The following BRCA1 variants were observed in gnomAD, a reference collection of about 807,000 sequenced individuals.
The protein encoded by BRCA1 is BRCA1 DNA repair associated.
Under a neutral mutation model 173.7 loss-of-function variants are expected in BRCA1, and 140 were observed. The observed-to-expected ratio is 0.81, with a 90% CI of 0.70 to 0.93. BRCA1 has a LOEUF of 0.93. BRCA1 is among the 40% of genes least tolerant of loss of function. The pLI is 0.00. For missense variants in BRCA1, 1,983 were observed against 2,172.5 expected (o/e 0.91, Z 1.73); for synonymous variants, 662 against 756.0 (o/e 0.88, Z 2.04).
chr17:43,134,774 GCCCT>G (rs1249839935), intron 1 of BRCA1, among the ~76,000 whole-genome samples: 1 of 152,138 alleles, frequency 6.6e-6, no homozygotes, highest in Non-Finnish European at 1.5e-5. Context: ...TGAAAGGGCG[GCCCT>G]CATACAGTTC....
upstream of BRCA1, among the ~76,000 whole-genome samples, chr17:43,126,571 C>T (rs549384372): frequency 2.0e-4 from 30 of 152,348 alleles, no homozygotes; most frequent in African/African-American, 7.0e-4. Context: ...CTCCGGACAG[C>T]TAATCGTTTT....
chr17:43,146,372 A>C (rs1306142632), intron 1 of BRCA1, among the ~76,000 whole-genome samples: 14 of 132,016 alleles, frequency 1.1e-4, no homozygotes, highest in Non-Finnish European at 3.1e-5. Context: ...GCAGTGGTGC[A>C]ATCTTGGCTT....
At chr17:43,124,235 A>G in intron 1 of BRCA1, 120 bp from the exon 2 acceptor site, 1 of 645,422 alleles carries the variant, frequency 1.5e-6, no homozygotes, top group South Asian at 2.1e-5. Context: ...AGAATAATAC[A>G]AACCAAAGAA....
chr17:43,118,425 G>A lies in BRCA1; in HGVS notation c.81-2646C>T, dbSNP rs8176089. Among the ~76,000 whole-genome samples, 2,100 of 151,390 alleles carry A rather than the reference G, an allele frequency of 0.014. 65 individuals are homozygous for A. Among genetic ancestry groups the A allele is most frequent in the African/African-American group, 0.049 (2,013 of 41,254 alleles). Reference sequence around the variant, plus strand: ...AGAGTCTCGTTCTGTCGCCCAGGCTGGAGTGCAGTGGCACCATCTCGGCTC... The same window carrying A: ...AGAGTCTCGTTCTGTCGCCCAGGCTAGAGTGCAGTGGCACCATCTCGGCTC... On this transcript the variant is annotated intron_variant, in intron 2 of 22. Transcript: ENST00000357654.
chr17:43,155,247 G>C (rs2056189459), intron 1 of BRCA1, among the ~76,000 whole-genome samples: 1 of 152,084 alleles, frequency 6.6e-6, no homozygotes, highest in Non-Finnish European at 1.5e-5. Flanking sequence ...TCAGCTCTCT[G>C]TAACCTCTGC....
rs1442560766 is a variant in BRCA1 at position 43,097,323 on chromosome 17, A to G, written c.548-34T>C. 9 of 1,557,846 alleles carry G rather than the reference A, an allele frequency of 5.8e-6. No individual in the cohort carries two copies. The highest frequency in any genetic ancestry group is 7.1e-6 in the Non-Finnish European group (8 of 1,132,268). ...TTTCCCCCCAAAAAATAAATCAATA[A>G]AAGTTTTCTTAATTAAAAGGGTTAA... On this transcript the variant is annotated intron_variant, in intron 7 of 22. Transcript: ENST00000357654.
chr17:43,154,949 C>T lies in BRCA1; in HGVS notation c.-20+15177G>A, dbSNP rs138987358. ...GACAGCTTAATAATGTAAAGAAACA[C>T]GCTATGCAACAATTAGGGGAAGAGC... is the stretch of plus-strand genomic sequence containing the variant. On this transcript the variant is annotated intron_variant, in intron 1 of 7. Transcript: ENST00000634433. Among the ~76,000 whole-genome samples the T allele has an allele frequency of 2.2e-3, 328 of 152,172 alleles. 1 individual carries two copies. Among genetic ancestry groups the T allele is most frequent in the Non-Finnish European group, 2.2e-3 (148 of 68,024 alleles).
intron 2 of BRCA1, among the ~76,000 whole-genome samples, chr17:43,121,276 G>A (rs1331355120): frequency 6.6e-6 from 1 of 151,930 alleles, no homozygotes; most frequent in Non-Finnish European, 1.5e-5. Context: ...TCGGGAGGCT[G>A]AGGCAGGAGA....
intron 1 of BRCA1, chr17:43,161,219 C>T (rs1487054488): frequency 6.6e-6 from 1 of 152,176 alleles, no homozygotes; most frequent in Admixed American, 6.5e-5. Flanking sequence ...ATAGTCAAGG[C>T]TCTGCCGGTT....
At chr17:43,108,945 A>G (rs1231846083) in intron 3 of BRCA1, among the ~76,000 whole-genome samples, 2 of 152,104 alleles carry the variant, frequency 1.3e-5, no homozygotes, top group Non-Finnish European at 2.9e-5. Context: ...GTAAACTGAG[A>G]TCGCGCCATT....
intron 1 of BRCA1, among the ~76,000 whole-genome samples, chr17:43,158,507 T>G (rs568143116): frequency 6.6e-6 from 1 of 152,156 alleles, no homozygotes; most frequent in African/African-American, 2.4e-5. Flanking sequence ...GAAAAACAAC[T>G]TTCATAAAGC....
At position 43,044,646 on chromosome 17, in the gene BRCA1, A is replaced by C. The variant is rs2050794461; in HGVS notation, c.*1032T>G. 2.0e-6 allele frequency: 1 copy of C among 505,332 alleles called. No homozygotes were observed. 31.3% of individuals were successfully genotyped at this position (505,332 alleles called of 1,614,324 possible). ...TTAAGAGGAATGGATTATATACCAG[A>C]GCTACAACAATAAACATTTTACTTA... On this transcript the variant is annotated 3_prime_UTR_variant, in exon 23 of 23. Transcript: ENST00000357654.
Position 43,094,192 on chromosome 17 carries a change from C to T in BRCA1, c.1339G>A (p.Val447Ile), listed in dbSNP as rs587782784. Residue 447 changes from valine to isoleucine, a missense_variant, in exon 10 of 23, where the codon GTT (valine) becomes ATT (isoleucine). Transcript: ENST00000357654. ...TTACTCTCTACTGATTTGGAGTGAA[C>T]TCTTTCACTTTTACATATTAAAGCC... ...HEALICKSERVHSKSVESNIE... is the reference protein window; with the variant it reads ...HEALICKSERIHSKSVESNIE... 1 of 1,614,020 alleles carries T rather than the reference C, an allele frequency of 6.2e-7. No individual in the cohort carries two copies. The highest frequency in any genetic ancestry group is 1.1e-5 in the South Asian group (1 of 91,068).
rs28897696 is a variant in BRCA1 at position 43,063,903 on chromosome 17, G to T, written c.5123C>A (p.Ala1708Glu). 7 of 1,613,898 alleles carry T rather than the reference G, an allele frequency of 4.3e-6. No homozygotes were observed. Among genetic ancestry groups the T allele is most frequent in the Admixed American group, 3.3e-5 (2 of 59,996 alleles). Reference protein sequence around the residue: ...ERTLKYFLGIAGGKWVVSYFW... With the variant: ...ERTLKYFLGIEGGKWVVSYFW... ...ATAGCTAACTACCCATTTTCCTCCCGCAATTCCTAGAAAATATTTCAGTGT... is the reference window on the plus strand; with the variant it reads ...ATAGCTAACTACCCATTTTCCTCCCTCAATTCCTAGAAAATATTTCAGTGT... Residue 1708 changes from alanine (A) to glutamate (E), a missense_variant, in exon 17 of 23, where the codon GCG becomes GAG. Transcript: ENST00000357654.
At chr17:43,137,923 G>A (rs570916854) in intron 1 of BRCA1, among the ~76,000 whole-genome samples, 1 of 151,822 alleles carries the variant, frequency 6.6e-6, no homozygotes, top group East Asian at 1.9e-4. Flanking sequence ...GCGGTGTCTC[G>A]CACCTGTAAT....
intron 2 of BRCA1, among the ~76,000 whole-genome samples, chr17:43,120,699 A>G (rs1012172971): frequency 1.3e-5 from 2 of 152,182 alleles, no homozygotes; most frequent in African/African-American, 2.4e-5. Flanking sequence ...CGGGAGGCGG[A>G]GCTTGCAGTG....
chr17:43,093,140 TTC>T lies in BRCA1; in HGVS notation c.2389_2390del (p.Glu797ThrfsTer3), dbSNP rs80357695. ...EVSTLGKAKT[E>X]PNKCVSQCAA... ...CACACTGACTCACACATTTATTTGG[TTC>T]TGTTTTTGCCTTCCCTAGAGTGCTA... On this transcript the variant is annotated frameshift_variant, in exon 10 of 23. Transcript: ENST00000357654. LOFTEE classifies it high-confidence loss of function. 3.1e-6 allele frequency: 5 copies of T among 1,613,640 alleles called. No homozygotes were observed. The East Asian group carries it at 1.1e-4, about 36-fold the overall frequency.
At chr17:43,054,343 A>G (rs1364205507) in intron 19 of BRCA1, among the ~76,000 whole-genome samples, 6 of 152,250 alleles carry the variant, frequency 3.9e-5, no homozygotes, top group African/African-American at 7.2e-5. Context: ...TCCAGGCTTC[A>G]TTTGTGATCA....
At chr17:43,088,147 C>T (rs1158703454) in intron 11 of BRCA1, among the ~76,000 whole-genome samples, 1 of 152,206 alleles carries the variant, frequency 6.6e-6, no homozygotes, top group Non-Finnish European at 1.5e-5. Context: ...CTAACCATTT[C>T]TGGATAACAC....
Sources: gnomAD v4.1 joint callset for allele counts (sites outside exome capture counted in the v4.1 genomes callset) on GRCh38, gnomAD v4.1.1 for gene constraint, MANE v1.5 for transcripts, NCBI Gene and HGNC (gene_info 2026-07-23, HGNC 2026-07-21) for gene names.